Variants in RPN2 observed in about 807,000 individuals in gnomAD.
RPN2 encodes ribophorin II, also known as dolichyl-diphosphooligosaccharide--protein glycosyltransferase subunit 2.
Under a neutral mutation model 71.4 loss-of-function variants are expected in RPN2, and 29 were observed. That is an observed-to-expected ratio of 0.41 (90% confidence interval 0.30 to 0.55). RPN2 has a LOEUF of 0.55. Ranked by LOEUF, RPN2 falls within the 20% of genes least tolerant of loss-of-function variation. RPN2 has a pLI of 0.35. For missense variants in RPN2, 726 were observed against 774.1 expected, an observed-to-expected ratio of 0.94 and a Z score of 0.74; for synonymous variants, 308 against 305.0, an observed-to-expected ratio of 1.01 and a Z score of -0.10.
At chr20:37,225,876 A>T in intron 11 of RPN2, 74 bp downstream of exon 11, 1 of 1,024,990 alleles carries the variant, frequency 9.8e-7, no homozygotes, top group Non-Finnish European at 1.5e-6. Context: ...GTGGTCTATA[A>T]CATGGACTAG....
At chr20:37,207,568 G>T in intron 7 of RPN2, 119 bp downstream of exon 7, 2 of 933,002 alleles carry the variant, frequency 2.1e-6, no homozygotes, top group Non-Finnish European at 1.7e-6. Context: ...CCCATTAAAT[G>T]GAGGGCAAGG....
intron 9 of RPN2, among the ~76,000 whole-genome samples, chr20:37,221,681 GA>G (rs2067962417): frequency 6.6e-6 from 1 of 152,218 alleles, no homozygotes; most frequent in African/African-American, 2.4e-5. Flanking sequence ...AGTTAATCTT[GA>G]TGAAGATTGC....
rs1019118145 is a variant in RPN2 at position 37,238,704 on chromosome 20, A to G, written c.1883+1995A>G. ...AGCTTTGGCCTGGCTTTGACTGTATAAGACTTCATTCTCCCTTATATCCCG... is the reference window on the plus strand; with the variant it reads ...AGCTTTGGCCTGGCTTTGACTGTATGAGACTTCATTCTCCCTTATATCCCG... On this transcript the variant is annotated intron_variant, in intron 16 of 16. Coordinates refer to ENST00000237530, the MANE Select transcript of RPN2 (RefSeq NM_002951.5). 3 of 723,964 alleles carry G rather than the reference A, an allele frequency of 4.1e-6. No individual in the cohort carries two copies. In the African/African-American group the frequency reaches 5.2e-5, roughly 12 times the overall value. The allele number at this position is 723,964 out of a possible 1,614,324, so 44.8% of individuals were successfully genotyped here. A position where few individuals can be genotyped will look rare whatever the true frequency, so the allele number is the denominator to read the frequency against.
intron 14 of RPN2, among the ~76,000 whole-genome samples, chr20:37,233,337 T>A (rs2068300261): frequency 6.7e-6 from 1 of 148,620 alleles, no homozygotes; most frequent in Admixed American, 6.7e-5. Context: ...ACCATTTGAA[T>A]TTTTTTTTTT....
At chr20:37,216,253 C>T (rs1268948051) in intron 9 of RPN2, among the ~76,000 whole-genome samples, 1 of 152,004 alleles carries the variant, frequency 6.6e-6, no homozygotes, top group Non-Finnish European at 1.5e-5. Context: ...GCAGGAGAAT[C>T]GCTTGAACCT....
chr20:37,219,555 A>T (rs540979718), intron 9 of RPN2, among the ~76,000 whole-genome samples: 12 of 152,318 alleles, frequency 7.9e-5, no homozygotes, highest in African/African-American at 2.4e-4. Context: ...GAGGCACAAA[A>T]AATCTTAATT....
rs535520319 is a variant in RPN2 at position 37,235,019 on chromosome 20, G to A, written c.1753+924G>A. On this transcript the variant is annotated intron_variant, in intron 15 of 16. Coordinates refer to ENST00000237530, the MANE Select transcript of RPN2 (RefSeq NM_002951.5). ...TTAAAATTCTTTGCCTCTTTCAGGA[G>A]TCACTATCTGTGCGCCCATAGTAAA... 3.3e-5 allele frequency among the ~76,000 whole-genome samples: 5 copies of A among 152,302 alleles called. No individual in the cohort carries two copies. In the East Asian group the frequency reaches 9.6e-4, roughly 29 times the overall value.
intron 8 of RPN2, 123 bp from the exon 9 acceptor site, chr20:37,213,637 G>A: frequency 1.3e-6 from 1 of 768,028 alleles, no homozygotes; most frequent in Non-Finnish European, 2.3e-6. Flanking sequence ...GGGGTGGGAA[G>A]TCAAAAAGGT....
At chr20:37,235,939 C>T (rs1208676216) in intron 15 of RPN2, among the ~76,000 whole-genome samples, 7 of 151,500 alleles carry the variant, frequency 4.6e-5, no homozygotes, top group African/African-American at 1.2e-4. Context: ...TGTGAGCTCC[C>T]GCACCCAGCC....
intron 2 of RPN2, among the ~76,000 whole-genome samples, chr20:37,194,484 A>G (rs900470006): frequency 1.3e-4 from 19 of 151,888 alleles, no homozygotes; most frequent in Non-Finnish European, 1.5e-5. Context: ...CTGGTCTCGA[A>G]CTCCTGACCT....
chr20:37,185,784 C>T (rs1364080130), intron 2 of RPN2, among the ~76,000 whole-genome samples: 1 of 152,206 alleles, frequency 6.6e-6, no homozygotes, highest in Non-Finnish European at 1.5e-5. Flanking sequence ...CATCCCACCG[C>T]ACCCCGCTGT....
chr20:37,207,476 C>G, intron 7 of RPN2, 27 bp downstream of exon 7: 1 of 1,609,446 alleles, frequency 6.2e-7, no homozygotes, highest in Non-Finnish European at 8.5e-7. Flanking sequence ...CAAAGTGTGC[C>G]CCTCTGATTA....
At chr20:37,221,182 A>G (rs1467863726) in intron 9 of RPN2, among the ~76,000 whole-genome samples, 1 of 149,956 alleles carries the variant, frequency 6.7e-6, no homozygotes, top group Non-Finnish European at 1.5e-5. Flanking sequence ...GACACTGAAG[A>G]CTTTACACAA....
chr20:37,210,610 A>G lies in RPN2; in HGVS notation c.986+445A>G, dbSNP rs528150528. ...CAATGGTGCAATCTCAGCTCACCGCAACGTCTGCCTCCTGGATTCTAGCGA... is the reference window on the plus strand; with the variant it reads ...CAATGGTGCAATCTCAGCTCACCGCGACGTCTGCCTCCTGGATTCTAGCGA... On this transcript the variant is annotated intron_variant, in intron 8 of 16. Transcript: ENST00000237530. 2.6e-3 allele frequency among the ~76,000 whole-genome samples: 382 copies of G among 149,078 alleles called. 6 individuals are homozygous for G. Among genetic ancestry groups the G allele is most frequent in the South Asian group, 3.2e-3 (15 of 4,738 alleles).
At chr20:37,221,493 C>T (rs1008665164) in intron 9 of RPN2, among the ~76,000 whole-genome samples, 5 of 152,136 alleles carry the variant, frequency 3.3e-5, no homozygotes, top group African/African-American at 7.2e-5. Flanking sequence ...CCACCACGCC[C>T]GGCCTAGTCT....
At chr20:37,198,586 TGA>T in intron 3 of RPN2, 94 bp downstream of exon 3, 1 of 1,579,116 alleles carries the variant, frequency 6.3e-7, no homozygotes, top group Non-Finnish European at 8.6e-7. Context: ...TTTTTAATTA[TGA>T]GAGTCCATTA....
chr20:37,207,293 G>T lies in RPN2; in HGVS notation c.711G>T (p.Met237Ile). The T allele has an allele frequency of 6.2e-7, 1 of 1,614,046 alleles. No individual in the cohort carries two copies. The highest frequency in any genetic ancestry group is 1.1e-5 in the South Asian group (1 of 91,072). ...SIKEDQVIQL[M>I]NAIFSKKNFE... ...TTCAGGATCAGGTCATCCAGCTGAT[G>T]AACGCGATCTTCAGCAAGAAGAACT... Residue 237 changes from methionine (M) to isoleucine (I), a missense_variant, in exon 7 of 17, where the codon ATG (methionine) becomes ATT (isoleucine). Transcript: ENST00000237530.
chr20:37,185,628 T>G (rs1365348621), intron 2 of RPN2, among the ~76,000 whole-genome samples: 3 of 152,042 alleles, frequency 2.0e-5, no homozygotes, highest in African/African-American at 7.2e-5. Flanking sequence ...TTTATTTTAT[T>G]TTATTTAAGA....
intron 11 of RPN2, among the ~76,000 whole-genome samples, chr20:37,228,256 C>T (rs2068130686): frequency 6.6e-6 from 1 of 152,206 alleles, no homozygotes; most frequent in Non-Finnish European, 1.5e-5. Flanking sequence ...GAAATTGCAG[C>T]AATAGCAAAG....
Sources: gnomAD v4.1 joint callset for allele counts (sites outside exome capture counted in the v4.1 genomes callset) on GRCh38, gnomAD v4.1.1 for gene constraint, MANE v1.5 for transcripts, NCBI Gene and HGNC (gene_info 2026-07-23, HGNC 2026-07-21) for gene names.